Variants in REXO4 observed in about 807,000 individuals in gnomAD.
REXO4 encodes the protein REX4 homolog, 3'-5' exonuclease.
A neutral mutation model predicts 39.9 loss-of-function variants in REXO4; 29 were observed. The ratio of observed to expected loss-of-function variants is 0.73; its 90% CI spans 0.54 to 0.99. REXO4 has a LOEUF of 0.99. REXO4 is among the 50% of genes least tolerant of loss of function. REXO4 has a pLI of 0.00. For missense variants in REXO4, 524 were observed against 546.5 expected (o/e 0.96, Z 0.41); for synonymous variants, 184 against 206.2 (o/e 0.89, Z 0.92).
chr9:133,415,555 C>G (rs1839537087), intron 1 of REXO4: 1 of 153,644 alleles, frequency 6.5e-6, no homozygotes, highest in Non-Finnish European at 1.4e-5. Flanking sequence ...TGGCTGTCAC[C>G]CAAGCAGAGG....
In REXO4 at chr9:133,406,736, G is replaced by T; in HGVS notation, c.*217C>A. ...CATGGCCGTCCCTGCTCCCCACCCT[G>T]ACCATCCGGGCCCAAACACACATGG... On this transcript the variant is annotated 3_prime_UTR_variant, in exon 8 of 8. Transcript: ENST00000371942. 1 of 671,248 alleles carries T rather than the reference G, an allele frequency of 1.5e-6. No individual in the cohort carries two copies. Among genetic ancestry groups the T allele is most frequent in the Non-Finnish European group, 2.4e-6 (1 of 409,716 alleles). 41.6% of individuals were successfully genotyped at this position (671,248 alleles called of 1,614,324 possible). A position where few individuals can be genotyped will look rare whatever the true frequency, so the allele number is the denominator to read the frequency against.
rs1554781961 is a variant in REXO4, at chr9:133,417,687, G to A, written c.158C>T (p.Pro53Leu). 1 of 1,614,112 alleles carries A rather than the reference G, an allele frequency of 6.2e-7. No individual in the cohort carries two copies. The highest frequency in any genetic ancestry group is 8.5e-7 in the Non-Finnish European group (1 of 1,179,986). ...REVSKKPASG[P>L]GAVVRPPKAP... ...CTTTGGAGGTCGCACCACAGCACCG[G>A]GGCCGCTTGCTGGCTTCTTGCTTAC... Residue 53 changes from proline (P) to leucine (L), a missense_variant, in exon 1 of 8, where the codon CCC (proline) becomes CTC (leucine). Coordinates refer to ENST00000371942, the MANE Select transcript of REXO4 (RefSeq NM_020385.4).
chr9:133,409,745 A>G (rs1238655327), intron 5 of REXO4, among the ~76,000 whole-genome samples: 2 of 152,104 alleles, frequency 1.3e-5, no homozygotes, highest in East Asian at 3.9e-4. Context: ...AATTTTTTAT[A>G]GAGATGGGGT....
intron 2 of REXO4, 198 bp downstream of exon 2, chr9:133,414,467 C>T (rs782090171): frequency 3.1e-5 from 22 of 704,936 alleles, no homozygotes; most frequent in African/African-American, 2.3e-4. Flanking sequence ...CTCTGCTCAA[C>T]GCTCGGAAGA....
chr9:133,412,030 T>G (rs1454349044), intron 4 of REXO4, among the ~76,000 whole-genome samples: 1 of 151,958 alleles, frequency 6.6e-6, no homozygotes, highest in Non-Finnish European at 1.5e-5. Flanking sequence ...GCCTCCTGAG[T>G]AGCTGGGACT....
chr9:133,407,959 T>C, intron 6 of REXO4, 78 bp from the exon 7 acceptor site: 1 of 1,169,068 alleles, frequency 8.6e-7, no homozygotes, highest in Non-Finnish European at 1.2e-6. Flanking sequence ...CAGGGAGCGG[T>C]TGGCTACTGA....
chr9:133,415,404 G>C (rs1839522950), intron 1 of REXO4, among the ~76,000 whole-genome samples: 1 of 150,380 alleles, frequency 6.6e-6, no homozygotes, highest in Non-Finnish European at 1.5e-5. Context: ...CTGCTACACA[G>C]AAATCGCTTT....
intron 7 of REXO4, 118 bp downstream of exon 7, chr9:133,407,689 G>A (rs1422791604): frequency 7.7e-6 from 5 of 651,444 alleles, no homozygotes; most frequent in Admixed American, 6.7e-5. Flanking sequence ...CAATAGCCTC[G>A]TAGGATAAGT....
rs375819122 is a variant in REXO4 at position 133,414,717 on chromosome 9, T to C, written c.520A>G (p.Ile174Val). The C allele has an allele frequency of 2.1e-5, 34 of 1,614,062 alleles. No homozygotes were observed. Among genetic ancestry groups the C allele is most frequent in the Admixed American group, 6.7e-5 (4 of 59,996 alleles). Residue 174 changes from isoleucine to valine, a missense_variant, in exon 2 of 8, where the codon ATC becomes GTC. Transcript: ENST00000371942. ...TTAGCTTTCCGCTTCTTATGCTCGA[T>C]GTCCCCTCGTTCTGGAACAATATCA... is the stretch of plus-strand genomic sequence containing the variant. Reference protein sequence around the residue: ...NGDIVPERGDIEHKKRKAKEA... With the variant: ...NGDIVPERGDVEHKKRKAKEA...
At position 133,412,769 on chromosome 9, in the gene REXO4, C is replaced by A. The variant is rs782533114; in HGVS notation, c.716+9G>T. 3.1e-6 allele frequency: 5 copies of A among 1,609,624 alleles called. No individual in the cohort carries two copies. The highest frequency in any genetic ancestry group is 4.2e-6 in the Non-Finnish European group (5 of 1,179,946). On this transcript the variant is annotated intron_variant, in intron 3 of 7. Transcript: ENST00000371942. ...CCCCAGCAGACCCCACTCCCTGAGA[C>A]CAGCGTACCCGCCGAAGGCCTGCTC... is the stretch of plus-strand genomic sequence containing the variant.
At chr9:133,408,297 A>T (rs1187443880) in intron 6 of REXO4, among the ~76,000 whole-genome samples, 3 of 152,256 alleles carry the variant, frequency 2.0e-5, no homozygotes, top group East Asian at 3.9e-4. Context: ...CTAAAAAAAT[A>T]AAAATAAAAA....
At position 133,407,008 on chromosome 9, in the gene REXO4, G is replaced by A. The variant is rs781896901; in HGVS notation, c.1214C>T (p.Ala405Val). 7.9e-5 allele frequency: 127 copies of A among 1,613,054 alleles called. No homozygotes were observed. The highest frequency in any genetic ancestry group is 1.0e-4 in the Non-Finnish European group (123 of 1,180,030). ...AGTCAGCAGGGGGCGCCTGTCTCGG[G>A]CCATGCTCTCCCACTCCTTCTTCAC... ...VMVKKEWESM[A>V]RDRRPLLTAP... The change falls in exon 8 of 8, where the codon GCC becomes GTC. Residue 405 changes from alanine (A) to valine (V), a missense_variant. Coordinates refer to ENST00000371942, the MANE Select transcript of REXO4 (RefSeq NM_020385.4).
At chr9:133,416,772 G>T (rs192327036) in intron 1 of REXO4, among the ~76,000 whole-genome samples, 30 of 152,306 alleles carry the variant, frequency 2.0e-4, no homozygotes, top group Non-Finnish European at 3.8e-4. Context: ...AACTTTTCCA[G>T]CCTATTTCCT....
chr9:133,418,095 C>T, upstream of REXO4: 1 of 526,048 alleles, frequency 1.9e-6, no homozygotes. Flanking sequence ...TGGTTCCGCG[C>T]AGCCTGGGCG....
rs1554782119 is a variant in REXO4 at position 133,417,923 on chromosome 9, C to G, written c.-79G>C. On this transcript the variant is annotated 5_prime_UTR_variant, in exon 1 of 8. Coordinates refer to ENST00000371942, the MANE Select transcript of REXO4 (RefSeq NM_020385.4). The stretch of plus-strand genomic sequence containing the variant: ...GGGCCCGGCGCCCTGGCAGCACAAG[C>G]GCCTGCCCAGGCCAGGCCGAAACAC... 1.4e-6 allele frequency: 2 copies of G among 1,398,374 alleles called. No individual in the cohort carries two copies. The highest frequency in any genetic ancestry group is 4.7e-5 in the East Asian group (2 of 42,130). The allele number at this position is 1,398,374 out of a possible 1,614,324, so 86.6% of individuals were successfully genotyped here. A position where few individuals can be genotyped will look rare whatever the true frequency, so the allele number is the denominator to read the frequency against.
rs1839155353 is a variant in REXO4, at chr9:133,410,480, G to GTGGTGTC, written c.999+498_999+504dup. ...GTCTTTGAACTTGTTTCCCACGGTG[G>GTGGTGTC]TGGTGTCTGAATTTGCACTTTCCAT... is the stretch of plus-strand genomic sequence containing the variant. On this transcript the variant is annotated intron_variant, in intron 5 of 7. Coordinates refer to ENST00000371942, the MANE Select transcript of REXO4 (RefSeq NM_020385.4). Among the ~76,000 whole-genome samples, 4 of 152,332 alleles carry GTGGTGTC rather than the reference G, an allele frequency of 2.6e-5. No homozygotes were observed. The East Asian group carries it at 7.7e-4, about 29-fold the overall frequency.
At chr9:133,408,557 G>A (rs766111568) in intron 6 of REXO4, among the ~76,000 whole-genome samples, 15 of 152,110 alleles carry the variant, frequency 9.9e-5, no homozygotes, top group Non-Finnish European at 2.1e-4. Flanking sequence ...CTGTTTCAGA[G>A]GTTAGAGTGG....
chr9:133,412,193 A>C, intron 4 of REXO4, 106 bp downstream of exon 4: 1 of 1,209,044 alleles, frequency 8.3e-7, no homozygotes, highest in Non-Finnish European at 1.2e-6. Context: ...AAGACGCATC[A>C]AAACCAGCTG....
chr9:133,413,544 C>T (rs782182169), intron 2 of REXO4, among the ~76,000 whole-genome samples: 7 of 152,182 alleles, frequency 4.6e-5, no homozygotes, highest in Non-Finnish European at 1.0e-4. Flanking sequence ...GAAGGTAACA[C>T]GTTCATTATT....
Sources: gnomAD v4.1 joint callset for allele counts (sites outside exome capture counted in the v4.1 genomes callset) on GRCh38, gnomAD v4.1.1 for gene constraint, MANE v1.5 for transcripts, NCBI Gene and HGNC (gene_info 2026-07-23, HGNC 2026-07-21) for gene names.